UCMA: variants seen among roughly 807,000 people sequenced by gnomAD.
The protein encoded by UCMA is upper zone of growth plate and cartilage matrix associated, also known as upper zone of growth plate and cartilage matrix-associated protein.
UCMA carries 21 observed loss-of-function variants against 21.8 expected under a neutral mutation model. The observed-to-expected ratio is 0.97, with a 90% CI of 0.68 to 1.39. The LOEUF is 1.39. Among genes scored for constraint, UCMA ranks in the 40% most tolerant of loss-of-function variants. The pLI, the probability that UCMA is intolerant of heterozygous loss-of-function variation, is 0.00. For synonymous variants in UCMA, 76 were observed against 67.9 expected (o/e 1.12, Z -0.58); for missense variants, 193 against 178.9 (o/e 1.08, Z -0.45).
Position 13,222,133 on chromosome 10 carries a change from T to C in UCMA, c.387A>G (p.Pro129=), listed in dbSNP as rs1834765091. 1.2e-6 allele frequency: 2 copies of C among 1,614,086 alleles called. No individual in the cohort carries two copies. Among genetic ancestry groups the C allele is most frequent in the Non-Finnish European group, 1.7e-6 (2 of 1,180,016 alleles). The change falls in exon 5 of 5, where the codon CCA becomes CCG. Residue 129 remains proline, a synonymous_variant. Coordinates refer to ENST00000378681, the MANE Select transcript of UCMA (RefSeq NM_145314.3). The part of the protein sequence containing the change: ...WRQWHYDGLH[P]SYLYNRHHT ...TGTGGTGGCGGTTGTAGAGATAGGA[T>C]GGGTGCAGGCCGTCATAGTGCCACT...
In UCMA at chr10:13,233,624, T is replaced by C. The variant is rs961538492; in HGVS notation, c.134A>G (p.Gln45Arg). 7 of 1,614,052 alleles carry C rather than the reference T, an allele frequency of 4.3e-6. No homozygotes were observed. Among genetic ancestry groups the C allele is most frequent in the Non-Finnish European group, 5.9e-6 (7 of 1,180,042 alleles). The change falls in exon 3 of 5, where the codon CAG (glutamine) becomes CGG (arginine). Residue 45 changes from glutamine (Q) to arginine (R), a missense_variant. Transcript: ENST00000378681. ...ATCTGATTCCTGCATGAAAATCTTC[T>C]GTTTTGCATCTGAAACCCGGGAGAG... is the stretch of plus-strand genomic sequence containing the variant. ...AGEEASEDAK[Q>R]KIFMQESDAS...
intron 4 of UCMA, among the ~76,000 whole-genome samples, chr10:13,225,090 C>T (rs1834807102): frequency 6.6e-6 from 1 of 151,920 alleles, no homozygotes; most frequent in Non-Finnish European, 1.5e-5. Context: ...GACAAGTTCT[C>T]ATCCTGTTGC....
intron 4 of UCMA, among the ~76,000 whole-genome samples, chr10:13,222,632 C>G (rs776519748): frequency 6.6e-6 from 1 of 152,044 alleles, no homozygotes; most frequent in Non-Finnish European, 1.5e-5. Context: ...TCATTGTCGA[C>G]TTGGAGTTTT....
intron 4 of UCMA, among the ~76,000 whole-genome samples, chr10:13,227,085 T>C (rs1015275661): frequency 6.6e-6 from 1 of 152,026 alleles, no homozygotes; most frequent in African/African-American, 2.4e-5. Context: ...CAAGCTGTGA[T>C]GGCCTGAAGT....
In UCMA at chr10:13,230,626, C is replaced by T. The variant is rs1834885759; in HGVS notation, c.221-917G>A. ...AGGTACTGTTTTTTTGCCCCATCAA[C>T]TCTGATGTGCAAGAGGAGGCTGGGG... On this transcript the variant is annotated intron_variant, in intron 3 of 4. Coordinates refer to ENST00000378681, the MANE Select transcript of UCMA (RefSeq NM_145314.3). Among the ~76,000 whole-genome samples the T allele has an allele frequency of 2.0e-5, 3 of 152,304 alleles. No individual in the cohort carries two copies. The South Asian group carries it at 6.2e-4, about 32-fold the overall frequency.
intron 4 of UCMA, among the ~76,000 whole-genome samples, chr10:13,225,905 C>T (rs11258274): frequency 0.013 from 2,038 of 152,186 alleles, 47 homozygotes; most frequent in African/African-American, 0.046. Flanking sequence ...CAAAACTCAT[C>T]CTCCGGAGGC....
At chr10:13,222,264 C>A in intron 4 of UCMA, 64 bp from the exon 5 acceptor site, 1 of 1,492,592 alleles carries the variant, frequency 6.7e-7, no homozygotes, top group Non-Finnish European at 9.2e-7. Flanking sequence ...CTGAGCCCAG[C>A]AGCCATCAGC....
chr10:13,225,243 G>C (rs933687036), intron 4 of UCMA, among the ~76,000 whole-genome samples: 1 of 152,026 alleles, frequency 6.6e-6, no homozygotes, highest in Non-Finnish European at 1.5e-5. Context: ...ACAAGGTCTC[G>C]TTATGTTGCC....
At chr10:13,230,170 C>T (rs141655717) in intron 3 of UCMA, among the ~76,000 whole-genome samples, 31 of 152,264 alleles carry the variant, frequency 2.0e-4, no homozygotes, top group African/African-American at 6.3e-4. Context: ...CAGCCAGATA[C>T]GGTGGCTCAC....
intron 4 of UCMA, among the ~76,000 whole-genome samples, chr10:13,222,536 A>C (rs567160551): frequency 6.6e-6 from 1 of 152,206 alleles, no homozygotes; most frequent in Admixed American, 6.5e-5. Context: ...CGAAAAAGTA[A>C]CAACACAGTA....
At position 13,233,765 on chromosome 10, in the gene UCMA, T is replaced by C; in HGVS notation, c.94A>G (p.Met32Val). 1 of 1,614,010 alleles carries C rather than the reference T, an allele frequency of 6.2e-7. No individual in the cohort carries two copies. The change falls in exon 2 of 5, where the codon ATG becomes GTG. Residue 32 changes from methionine to valine, a missense_variant. Transcript: ENST00000378681. ...REGTSVSVGTMQMAGEEASED... is the reference protein window; with the variant it reads ...REGTSVSVGTVQMAGEEASED... Reference sequence around the variant, plus strand: ...CTCGCCTCTTCTCCCGCCATCTGCATGGTGCCCACAGATACACTGGTTCCC... The same window carrying C: ...CTCGCCTCTTCTCCCGCCATCTGCACGGTGCCCACAGATACACTGGTTCCC...
rs1312802941 is a variant in UCMA at position 13,234,230 on chromosome 10, GAC to G, written c.27_28del (p.Ser10LeufsTer31). 2 of 1,613,180 alleles carry G rather than the reference GAC, an allele frequency of 1.2e-6. No homozygotes were observed. The highest frequency in any genetic ancestry group is 1.7e-6 in the Non-Finnish European group (2 of 1,179,854). ...CAGGAGCACCACGGCGGAGAAGCAA[GAC>G]AGCAGGACGGCCTGTCTCCAAGTCA... On this transcript the variant is annotated frameshift_variant, in exon 1 of 5. Coordinates refer to ENST00000378681, the MANE Select transcript of UCMA (RefSeq NM_145314.3). LOFTEE classifies it high-confidence loss of function.
intron 4 of UCMA, 108 bp downstream of exon 4, chr10:13,229,503 C>G (rs953325839): frequency 2.0e-6 from 2 of 995,932 alleles, no homozygotes; most frequent in Admixed American, 5.2e-5. Flanking sequence ...AAGACTTCGT[C>G]TCAAAAAAAG....
intron 4 of UCMA, 96 bp downstream of exon 4, chr10:13,229,513 GAA>G (rs112352250): frequency 2.0e-3 from 1,828 of 926,924 alleles, no homozygotes; most frequent in African/African-American, 3.6e-3. Flanking sequence ...CTCAAAAAAA[GAA>G]AAAAAAAAAA....
chr10:13,232,395 A>AG, intron 3 of UCMA, among the ~76,000 whole-genome samples: 1 of 108,330 alleles, frequency 9.2e-6, no homozygotes, highest in East Asian at 4.2e-4. Context: ...AAAAAAAAAA[A>AG]GAGGACAGAA....
rs74123515 is a variant in UCMA, at chr10:13,229,629, C to A, written c.301G>T (p.Val101Leu). The A allele has an allele frequency of 1.9e-6, 3 of 1,614,100 alleles. No individual in the cohort carries two copies. In the East Asian group the frequency reaches 6.7e-5, roughly 36 times the overall value. The change falls in exon 4 of 5, where the codon GTG (valine) becomes TTG (leucine). Residue 101 changes from valine to leucine, a missense_variant. Coordinates refer to ENST00000378681, the MANE Select transcript of UCMA (RefSeq NM_145314.3). ...EEQRNEFENF[V>L]EEQNDEQEER... ...CTCTTACCATCGTTTTGTTCCTCCA[C>A]GAAGTTCTCAAATTCATTCCTTTGT...
At chr10:13,229,099 C>A (rs1035455277) in intron 4 of UCMA, among the ~76,000 whole-genome samples, 1 of 152,002 alleles carries the variant, frequency 6.6e-6, no homozygotes, top group African/African-American at 2.4e-5. Flanking sequence ...CCACACCCAG[C>A]TAATTTTTGT....
At chr10:13,229,143 C>G (rs918486073) in intron 4 of UCMA, among the ~76,000 whole-genome samples, 2 of 152,010 alleles carry the variant, frequency 1.3e-5, no homozygotes, top group African/African-American at 2.4e-5. Flanking sequence ...GCCATGTTGG[C>G]CAGGTTGGTC....
chr10:13,225,325 GAAGT>G (rs1452018567), intron 4 of UCMA, among the ~76,000 whole-genome samples: 2 of 149,094 alleles, frequency 1.3e-5, no homozygotes, highest in African/African-American at 4.9e-5. Flanking sequence ...TTCCTTTTAT[GAAGT>G]AAGTACTTTG....
Sources: gnomAD v4.1 joint callset for allele counts (sites outside exome capture counted in the v4.1 genomes callset) on GRCh38, gnomAD v4.1.1 for gene constraint, MANE v1.5 for transcripts, NCBI Gene and HGNC (gene_info 2026-07-23, HGNC 2026-07-21) for gene names.